The following MREG variants were observed in gnomAD, a reference collection of about 807,000 sequenced individuals.
MREG encodes dilute suppressor protein homolog.
Under a neutral mutation model 28.5 loss-of-function variants are expected in MREG, and 31 were observed. The ratio of observed to expected loss-of-function variants is 1.09; its 90% CI spans 0.82 to 1.47. The LOEUF is 1.47. Ranked by LOEUF, MREG falls within the 40% of genes most tolerant of loss-of-function variation. The probability of loss-of-function intolerance (pLI) is 0.00; values close to 1 mark genes in which losing one functional copy is unlikely to be tolerated. For missense variants in MREG, 256 were observed against 257.4 expected (o/e 0.99, Z 0.04); for synonymous variants, 106 against 95.2 (o/e 1.11, Z -0.66).
At chr2:215,957,254 A>G (rs985116322) in intron 2 of MREG, among the ~76,000 whole-genome samples, 7 of 152,254 alleles carry the variant, frequency 4.6e-5, no homozygotes, top group African/African-American at 1.7e-4. Flanking sequence ...TTCTAGAAGC[A>G]GAGGATTCCC....
At chr2:215,942,179 A>G (rs1051203961), downstream of MREG, among the ~76,000 whole-genome samples, 2 of 152,240 alleles carry the variant, frequency 1.3e-5, no homozygotes, top group African/African-American at 2.4e-5. Context: ...AATAAATATT[A>G]ATATAAAAAC....
chr2:215,969,773 C>T (rs1693038851), intron 2 of MREG, among the ~76,000 whole-genome samples: 1 of 151,820 alleles, frequency 6.6e-6, no homozygotes, highest in Non-Finnish European at 1.5e-5. Context: ...CCAGCAGACC[C>T]AGGGAGAACT....
At chr2:215,954,023 A>C (rs1050853158) in intron 2 of MREG, among the ~76,000 whole-genome samples, 1 of 152,212 alleles carries the variant, frequency 6.6e-6, no homozygotes, top group Admixed American at 6.5e-5. Flanking sequence ...TTAGGCAATG[A>C]CACAGATATA....
At chr2:215,957,129 G>GA (rs1692646234) in intron 2 of MREG, among the ~76,000 whole-genome samples, 1 of 152,078 alleles carries the variant, frequency 6.6e-6, no homozygotes, top group Admixed American at 6.6e-5. Flanking sequence ...AAAAAAAGTA[G>GA]AAAAAATAGA....
chr2:215,975,008 T>TTTTATATATATATATA (rs143806765), intron 2 of MREG, among the ~76,000 whole-genome samples: 6 of 106,608 alleles, frequency 5.6e-5, no homozygotes, highest in South Asian at 2.9e-4. Context: ...TTTATATGAA[T>TTTTATATATATATATA]TATATATATA....
downstream of MREG, among the ~76,000 whole-genome samples, chr2:215,939,977 T>C (rs1692178584): frequency 6.6e-6 from 1 of 152,252 alleles, no homozygotes; most frequent in Non-Finnish European, 1.5e-5. Flanking sequence ...TTATTTTATT[T>C]CTGTATTTCT....
chr2:216,010,824 A>G (rs1694284924), intron 1 of MREG, among the ~76,000 whole-genome samples: 1 of 151,214 alleles, frequency 6.6e-6, no homozygotes, highest in Non-Finnish European at 1.5e-5. Context: ...GGCCAGGCGC[A>G]GTGGCTCACG....
At chr2:215,951,299 C>T (rs367703297) in intron 2 of MREG, among the ~76,000 whole-genome samples, 7 of 152,228 alleles carry the variant, frequency 4.6e-5, no homozygotes, top group South Asian at 2.1e-4. Context: ...AAACTAACTC[C>T]GCTACTCCCT....
At chr2:215,948,552 T>C (rs1349675041) in intron 2 of MREG, among the ~76,000 whole-genome samples, 2 of 152,172 alleles carry the variant, frequency 1.3e-5, no homozygotes. Flanking sequence ...TGTTAAGGCA[T>C]ACCTATCTAA....
Position 215,942,635 on chromosome 2 carries a change from A to C in MREG, c.*2228T>G, listed in dbSNP as rs1407075226. Among the ~76,000 whole-genome samples, 5 of 152,250 alleles carry C rather than the reference A, an allele frequency of 3.3e-5. No homozygotes were observed. The highest frequency in any genetic ancestry group is 7.3e-5 in the Non-Finnish European group (5 of 68,046). ...ATTCCTTGTAAGGAAAATTTCCTGG[A>C]TAATTCCATGTATTTTAATAATCAC... On this transcript the variant is annotated 3_prime_UTR_variant, in exon 5 of 5. Coordinates refer to ENST00000263268, the MANE Select transcript of MREG (RefSeq NM_018000.3).
intron 2 of MREG, among the ~76,000 whole-genome samples, chr2:215,969,813 G>T (rs1056483711): frequency 6.6e-6 from 1 of 152,214 alleles, no homozygotes; most frequent in East Asian, 1.9e-4. Flanking sequence ...ATGGAGGGGT[G>T]GGGGGCAGTT....
chr2:216,009,679 G>A (rs1240109478), intron 1 of MREG, among the ~76,000 whole-genome samples: 1 of 152,090 alleles, frequency 6.6e-6, no homozygotes, highest in African/African-American at 2.4e-5. Context: ...GGGATTACAG[G>A]TGCCCGCCAC....
chr2:215,945,101 G>T, intron 4 of MREG, 104 bp from the exon 5 acceptor site: 1 of 1,188,042 alleles, frequency 8.4e-7, no homozygotes. Context: ...CCCTGGAAAT[G>T]ACAATGAGCA....
At chr2:215,995,511 C>CCCCCCCCCCCG (rs146414052) in intron 2 of MREG, among the ~76,000 whole-genome samples, 55 of 136,040 alleles carry the variant, frequency 4.0e-4, no homozygotes, top group East Asian at 8.4e-4. Flanking sequence ...CCCACCCCAC[C>CCCCCCCCCCCG]CCCCGCCACC....
intron 2 of MREG, among the ~76,000 whole-genome samples, chr2:215,951,530 T>C (rs1156860247): frequency 1.3e-5 from 2 of 152,230 alleles, no homozygotes; most frequent in African/African-American, 4.8e-5. Context: ...TAATATATTG[T>C]GGTCAATGTG....
chr2:215,996,457 T>C lies in MREG; in HGVS notation c.104A>G (p.Asn35Ser). The C allele has an allele frequency of 1.2e-6, 2 of 1,609,918 alleles. No homozygotes were observed. Among genetic ancestry groups the C allele is most frequent in the Non-Finnish European group, 1.7e-6 (2 of 1,178,288 alleles). The change falls in exon 2 of 5, where the codon AAT becomes AGT. Residue 35 changes from asparagine (N) to serine (S), a missense_variant. Transcript: ENST00000263268. ...PEKEPLVSDN[N>S]PYSSFGATLV... ...AGTTGCTCCAAATGAGGAATATGGA[T>C]TGTTATCACTGTTGTATAAAAAAAG... is the stretch of plus-strand genomic sequence containing the variant.
chr2:216,015,663 G>A (rs1429723021), upstream of MREG, among the ~76,000 whole-genome samples: 1 of 152,156 alleles, frequency 6.6e-6, no homozygotes, highest in Non-Finnish European at 1.5e-5. Flanking sequence ...CATCCTAAAG[G>A]TCCAGGTGAC....
At chr2:216,005,608 A>C (rs1024696919) in intron 1 of MREG, among the ~76,000 whole-genome samples, 1 of 151,404 alleles carries the variant, frequency 6.6e-6, no homozygotes, top group Non-Finnish European at 1.5e-5. Context: ...CCGCCACCAC[A>C]CCAAGCTAAT....
At chr2:215,952,868 A>C (rs1692524522) in intron 2 of MREG, among the ~76,000 whole-genome samples, 1 of 152,132 alleles carries the variant, frequency 6.6e-6, no homozygotes, top group Admixed American at 6.5e-5. Flanking sequence ...GAATACGCTT[A>C]TACTTCCAAT....
Sources: gnomAD v4.1 joint callset for allele counts (sites outside exome capture counted in the v4.1 genomes callset) on GRCh38, gnomAD v4.1.1 for gene constraint, MANE v1.5 for transcripts, NCBI Gene and HGNC (gene_info 2026-07-23, HGNC 2026-07-21) for gene names.